Variants in CLASP1 observed in about 807,000 individuals in gnomAD.
CLASP1 encodes the protein cytoplasmic linker associated protein 1.
CLASP1 carries 38 observed loss-of-function variants against 192.3 expected under a neutral mutation model. The ratio of observed to expected loss-of-function variants is 0.20; its 90% CI spans 0.15 to 0.26. The LOEUF (loss-of-function observed/expected upper bound fraction) is 0.26, where lower values mean the gene tolerates loss of function less well. Ranked by LOEUF, CLASP1 falls within the 10% of genes least tolerant of loss-of-function variation. CLASP1 has a pLI of 1.00. For synonymous variants in CLASP1, 691 were observed against 712.8 expected (o/e 0.97, Z 0.49); for missense variants, 1,433 against 1,932.5 (o/e 0.74, Z 4.85).
chr2:121,448,995 G>A, exon 17 of CLASP1: 1 of 1,613,954 alleles, frequency 6.2e-7, no homozygotes, highest in Non-Finnish European at 8.5e-7. Flanking sequence ...GTCTGACTGA[G>A]GCAGAGACAC....
Position 121,530,958 on chromosome 2 carries a change from A to C in CLASP1, c.196-633T>G, listed in dbSNP as rs754148812. On this transcript the variant is annotated intron_variant, in intron 2 of 39. Coordinates refer to ENST00000263710, the Ensembl canonical transcript of CLASP1. Reference sequence around the variant, plus strand: ...AGTACTGCTAACGCCTGAACAACACACCCGCATCAACTAGAGCTTTTGCTT... The same window carrying C: ...AGTACTGCTAACGCCTGAACAACACCCCCGCATCAACTAGAGCTTTTGCTT... The C allele has an allele frequency of 1.0e-5, 7 of 700,232 alleles. No individual in the cohort carries two copies. The highest frequency in any genetic ancestry group is 5.4e-5 in the East Asian group (2 of 37,306). The allele number at this position is 700,232 out of a possible 1,614,324, so 43.4% of individuals were successfully genotyped here.
chr2:121,528,990 C>G (rs2094663510), intron 3 of CLASP1, among the ~76,000 whole-genome samples: 1 of 152,198 alleles, frequency 6.6e-6, no homozygotes, highest in Non-Finnish European at 1.5e-5. Flanking sequence ...TTTGCATGGA[C>G]AGATACACTA....
chr2:121,640,407 TATATTTTACTACA>T (rs1243670973), intron 1 of CLASP1, among the ~76,000 whole-genome samples: 1 of 152,240 alleles, frequency 6.6e-6, no homozygotes, highest in Non-Finnish European at 1.5e-5. Flanking sequence ...TTATGTTATG[TATATTTTACTACA>T]ATAAAACACT....
At chr2:121,551,627 G>A (rs1424585702) in intron 2 of CLASP1, among the ~76,000 whole-genome samples, 2 of 152,024 alleles carry the variant, frequency 1.3e-5, no homozygotes, top group African/African-American at 4.8e-5. Context: ...AAACACCTAG[G>A]AATACAGCGA....
At chr2:121,352,624 C>A (rs533080974) in intron 37 of CLASP1, among the ~76,000 whole-genome samples, 1 of 152,254 alleles carries the variant, frequency 6.6e-6, no homozygotes, top group Admixed American at 6.5e-5. Flanking sequence ...TCTAAGCTTC[C>A]ATTTTTTAAT....
At chr2:121,482,908 G>C (rs1185798844) in intron 8 of CLASP1, among the ~76,000 whole-genome samples, 1 of 152,110 alleles carries the variant, frequency 6.6e-6, no homozygotes, top group Non-Finnish European at 1.5e-5. Flanking sequence ...ACAGACTCAG[G>C]GTAAGATGAA....
chr2:121,438,598 T>C (rs2082719142), intron 19 of CLASP1, among the ~76,000 whole-genome samples: 1 of 152,152 alleles, frequency 6.6e-6, no homozygotes, highest in Non-Finnish European at 1.5e-5. Context: ...CATGTGGTTT[T>C]TGTCTTTGGC....
At chr2:121,398,229 C>A in intron 29 of CLASP1, 93 bp downstream of exon 30, 2 of 908,314 alleles carry the variant, frequency 2.2e-6, no homozygotes, top group South Asian at 1.6e-5. Context: ...CAGATTTATT[C>A]ACAATAGCTA....
At chr2:121,638,986 C>T (rs995272287) in intron 1 of CLASP1, among the ~76,000 whole-genome samples, 6 of 152,100 alleles carry the variant, frequency 3.9e-5, no homozygotes, top group Non-Finnish European at 7.4e-5. Flanking sequence ...GAGTACACTG[C>T]GCAAATGGGG....
At chr2:121,479,204 GAA>G (rs372766591) in intron 8 of CLASP1, among the ~76,000 whole-genome samples, 1 of 138,628 alleles carries the variant, frequency 7.2e-6, no homozygotes, top group Admixed American at 7.1e-5. Context: ...ACCAGAAAAA[GAA>G]AAAAAAAAAG....
At chr2:121,495,610 G>A (rs112323708) in intron 8 of CLASP1, among the ~76,000 whole-genome samples, 5,848 of 152,130 alleles carry the variant, frequency 0.038, 157 homozygotes, top group East Asian at 0.14. Flanking sequence ...GCGGTGAGCC[G>A]AGATCATGCC....
intron 39 of CLASP1, among the ~76,000 whole-genome samples, chr2:121,342,893 T>C (rs925168967): frequency 2.6e-5 from 4 of 152,008 alleles, no homozygotes; most frequent in Non-Finnish European, 5.9e-5. Context: ...GTCATGATTG[T>C]GCCACCGCAC....
intron 2 of CLASP1, among the ~76,000 whole-genome samples, chr2:121,531,952 G>C (rs980236811): frequency 1.3e-5 from 2 of 152,116 alleles, no homozygotes; most frequent in Non-Finnish European, 2.9e-5. Context: ...TCCGTATGAA[G>C]CAGTTTTGCA....
chr2:121,471,034 C>T (rs1396599785), intron 8 of CLASP1, among the ~76,000 whole-genome samples: 1 of 152,206 alleles, frequency 6.6e-6, no homozygotes. Flanking sequence ...TATAATCCTA[C>T]CACTTTGGGA....
Position 121,377,653 on chromosome 2 carries a change from A to AG in CLASP1, c.3492-5_3492-4insC. Reference sequence around the variant, plus strand: ...CTCTGTATCATAGTCCAGCATGCTAAAGATAAAAAATATTTTATTTCTTAA... The same window carrying AG: ...CTCTGTATCATAGTCCAGCATGCTAAGAGATAAAAAATATTTTATTTCTTAA... On this transcript the variant is annotated splice_region_variant and splice_polypyrimidine_tract_variant and intron_variant, in intron 33 of 39. Transcript: ENST00000263710. 6.5e-7 allele frequency: 1 copy of AG among 1,547,476 alleles called. No homozygotes were observed.
chr2:121,429,528 T>C (rs909567054), intron 20 of CLASP1, among the ~76,000 whole-genome samples: 2 of 152,192 alleles, frequency 1.3e-5, no homozygotes, highest in African/African-American at 4.8e-5. Flanking sequence ...CTTTCATGGC[T>C]AAGGCTAACA....
chr2:121,580,006 A>G (rs1376587217), intron 2 of CLASP1, among the ~76,000 whole-genome samples: 2 of 152,146 alleles, frequency 1.3e-5, no homozygotes, highest in African/African-American at 4.8e-5. Context: ...ACAGATTTTT[A>G]TTTTTGTCTT....
intron 39 of CLASP1, among the ~76,000 whole-genome samples, chr2:121,344,956 G>A (rs1053942512): frequency 1.6e-4 from 25 of 152,140 alleles, no homozygotes; most frequent in Admixed American, 1.6e-3. Flanking sequence ...TCAGGAGTTC[G>A]AGACCAGCCT....
intron 2 of CLASP1, among the ~76,000 whole-genome samples, chr2:121,562,089 T>G (rs997299378): frequency 6.6e-6 from 1 of 152,214 alleles, no homozygotes; most frequent in African/African-American, 2.4e-5. Context: ...TTCCTACAGG[T>G]TGCAACATAA....
Sources: allele counts gnomAD v4.1 joint callset (sites outside exome capture counted in the v4.1 genomes callset), GRCh38; gene constraint gnomAD v4.1.1; transcripts MANE v1.5; gene names NCBI Gene and HGNC (gene_info 2026-07-23, HGNC 2026-07-21).